Variants in ARHGEF26 observed in about 807,000 individuals in gnomAD.
The protein encoded by ARHGEF26 is Rho guanine nucleotide exchange factor (GEF) 26.
A neutral mutation model predicts 89.4 loss-of-function variants in ARHGEF26; 59 were observed. The observed-to-expected ratio is 0.66, with a 90% CI of 0.54 to 0.82. The LOEUF (loss-of-function observed/expected upper bound fraction) is 0.82, where lower values mean the gene tolerates loss of function less well. ARHGEF26 is among the 40% of genes least tolerant of loss of function. The pLI is 0.00. For synonymous variants in ARHGEF26, 500 were observed against 428.4 expected, an observed-to-expected ratio of 1.17 and a Z score of -2.06; for missense variants, 1,234 against 1,085.6, an observed-to-expected ratio of 1.14 and a Z score of -1.92.
intron 9 of ARHGEF26, among the ~76,000 whole-genome samples, chr3:154,207,799 A>G (rs1454493944): frequency 6.6e-6 from 1 of 152,216 alleles, no homozygotes; most frequent in Non-Finnish European, 1.5e-5. Flanking sequence ...ATGCACATGT[A>G]TGTTCATTGC....
intron 8 of ARHGEF26, among the ~76,000 whole-genome samples, chr3:154,192,331 A>G (rs1714003289): frequency 6.6e-6 from 1 of 152,268 alleles, no homozygotes; most frequent in Admixed American, 6.5e-5. Context: ...TAAATTTCAC[A>G]TTCTGTATCC....
At chr3:154,218,289 A>G (rs1428886523) in intron 10 of ARHGEF26, among the ~76,000 whole-genome samples, 2 of 152,248 alleles carry the variant, frequency 1.3e-5, no homozygotes, top group African/African-American at 4.8e-5. Context: ...ATTATTCTCA[A>G]AATGTTCTGA....
chr3:154,169,939 G>A (rs1275507299), intron 6 of ARHGEF26, among the ~76,000 whole-genome samples: 1 of 152,046 alleles, frequency 6.6e-6, no homozygotes, highest in African/African-American at 2.4e-5. Flanking sequence ...TAACTTCTGG[G>A]AATAATGAGA....
At chr3:154,251,238 T>C (rs942058451) in intron 12 of ARHGEF26, among the ~76,000 whole-genome samples, 3 of 152,154 alleles carry the variant, frequency 2.0e-5, no homozygotes, top group African/African-American at 4.8e-5. Flanking sequence ...CTGAAAAAAA[T>C]AGAAATAATT....
chr3:154,209,118 T>G (rs898699402), intron 9 of ARHGEF26, among the ~76,000 whole-genome samples: 1 of 152,104 alleles, frequency 6.6e-6, no homozygotes, highest in African/African-American at 2.4e-5. Context: ...TTTTAATTAT[T>G]TCAATCTCCT....
intron 6 of ARHGEF26, among the ~76,000 whole-genome samples, chr3:154,174,768 A>G (rs1712692958): frequency 6.6e-6 from 1 of 152,198 alleles, no homozygotes; most frequent in South Asian, 2.1e-4. Flanking sequence ...GTAAAAACAA[A>G]GTAGCCTTTC....
intron 14 of ARHGEF26, 84 bp downstream of exon 14, chr3:154,254,908 G>A: frequency 2.7e-6 from 3 of 1,096,718 alleles, no homozygotes; most frequent in South Asian, 2.7e-5. Flanking sequence ...TGTCATCATT[G>A]CCCATATTCC....
At chr3:154,140,967 C>T (rs559286437) in intron 4 of ARHGEF26, among the ~76,000 whole-genome samples, 1 of 80,534 alleles carries the variant, frequency 1.2e-5, no homozygotes, top group South Asian at 5.3e-4. Context: ...AGCTTCCATC[C>T]TATTTTTTTT....
intron 8 of ARHGEF26, among the ~76,000 whole-genome samples, chr3:154,192,534 G>A (rs1406474985): frequency 6.6e-6 from 1 of 152,140 alleles, no homozygotes; most frequent in East Asian, 1.9e-4. Flanking sequence ...CCCATCACCT[G>A]TAATTCAGGA....
rs576678206 is a variant in ARHGEF26, at chr3:154,198,376, G to C, written c.1845+3658G>C. Among the ~76,000 whole-genome samples, 28 of 152,140 alleles carry C rather than the reference G, an allele frequency of 1.8e-4. 1 individual carries two copies. The highest frequency in any genetic ancestry group is 4.0e-4 in the Non-Finnish European group (27 of 68,016). On this transcript the variant is annotated intron_variant, in intron 9 of 14. Coordinates refer to ENST00000465093, the MANE Select transcript of ARHGEF26 (RefSeq NM_015595.4). ...ATTCAATCCAGCAATCCCACTACTGGATATCTACCCAAAAGAAAAGAAGTC... is the reference window on the plus strand; with the variant it reads ...ATTCAATCCAGCAATCCCACTACTGCATATCTACCCAAAAGAAAAGAAGTC...
At chr3:154,224,370 A>C (rs1295004699) in intron 10 of ARHGEF26, among the ~76,000 whole-genome samples, 1 of 152,240 alleles carries the variant, frequency 6.6e-6, no homozygotes, top group African/African-American at 2.4e-5. Flanking sequence ...CTAGTGGAGT[A>C]TGAGGACTCC....
intron 6 of ARHGEF26, among the ~76,000 whole-genome samples, chr3:154,163,175 T>C (rs1711773318): frequency 6.6e-6 from 1 of 152,220 alleles, no homozygotes; most frequent in Non-Finnish European, 1.5e-5. Flanking sequence ...AGTTTGGTGA[T>C]TTTCTTTTTG....
chr3:154,217,848 G>T (rs185133091), intron 9 of ARHGEF26, 21 bp from the exon 10 acceptor site: 1 of 1,571,782 alleles, frequency 6.4e-7, no homozygotes, highest in African/African-American at 1.4e-5. Flanking sequence ...TTTAACCCTC[G>T]TTACTCTTCT....
intron 4 of ARHGEF26, among the ~76,000 whole-genome samples, chr3:154,137,043 GGCCCATGT>G (rs1440909399): frequency 2.6e-5 from 4 of 152,122 alleles, no homozygotes; most frequent in Non-Finnish European, 4.4e-5. Context: ...CAAAAATAGA[GGCCCATGT>G]GCCTAGACCT....
At chr3:154,178,150 G>A (rs1559880154) in intron 6 of ARHGEF26, among the ~76,000 whole-genome samples, 1 of 152,124 alleles carries the variant, frequency 6.6e-6, no homozygotes, top group Non-Finnish European at 1.5e-5. Flanking sequence ...GTTGCAGTGA[G>A]CTGAGACCAT....
chr3:154,194,709 A>G lies in ARHGEF26; in HGVS notation c.1836A>G (p.Glu612=). 6.2e-7 allele frequency: 1 copy of G among 1,612,198 alleles called. No individual in the cohort carries two copies. Among genetic ancestry groups the G allele is most frequent in the Non-Finnish European group, 8.5e-7 (1 of 1,179,100 alleles). Residue 612 remains glutamate (E), a synonymous_variant, in exon 9 of 15, where the codon GAA becomes GAG. Transcript: ENST00000465093. The part of the protein sequence containing the change: ...KYEVCKRALK[E]VSKLVRLCNE... ...AAGTCTGCAAAAGAGCCTTGAAGGA[A>G]GTTAGCAAGGTAACTGTTGGGTGAC...
chr3:154,255,794 A>G lies in ARHGEF26; in HGVS notation c.*321A>G. On this transcript the variant is annotated 3_prime_UTR_variant, in exon 15 of 15. Transcript: ENST00000465093. ...GTTCTGGCAATAAAAAACACATATT[A>G]TATCCTGGTTTTCTCTATCCTTGCA... 5 of 1,106,430 alleles carry G rather than the reference A, an allele frequency of 4.5e-6. No homozygotes were observed. The highest frequency in any genetic ancestry group is 5.5e-6 in the Non-Finnish European group (5 of 908,220). The allele number at this position is 1,106,430 out of a possible 1,614,324, so 68.5% of individuals were successfully genotyped here. A position where few individuals can be genotyped will look rare whatever the true frequency, so the allele number is the denominator to read the frequency against.
At chr3:154,149,222 A>G (rs1205172815) in intron 4 of ARHGEF26, among the ~76,000 whole-genome samples, 167 bp from the exon 5 acceptor site, 1 of 108,560 alleles carries the variant, frequency 9.2e-6, no homozygotes, top group African/African-American at 3.6e-5. Context: ...ATAAATATTT[A>G]TTAAATAACT....
chr3:154,143,189 A>G (rs1369199360), intron 4 of ARHGEF26, among the ~76,000 whole-genome samples: 1 of 152,234 alleles, frequency 6.6e-6, no homozygotes, highest in East Asian at 1.9e-4. Context: ...GTACCAATAG[A>G]TAAAAAAATT....
Sources: allele counts gnomAD v4.1 joint callset (sites outside exome capture counted in the v4.1 genomes callset), GRCh38; gene constraint gnomAD v4.1.1; transcripts MANE v1.5; gene names NCBI Gene and HGNC (gene_info 2026-07-23, HGNC 2026-07-21).